PCDHGC5: variants seen among roughly 807,000 people sequenced by gnomAD.
The protein encoded by PCDHGC5 is protocadherin gamma-C5.
In PCDHGC5, 25 loss-of-function variants were observed where a neutral mutation model predicts 59.0. That is an observed-to-expected ratio of 0.42 (90% CI 0.31 to 0.59). The LOEUF (loss-of-function observed/expected upper bound fraction) is 0.59, where lower values mean the gene tolerates loss of function less well. PCDHGC5 is among the 20% of genes least tolerant of loss of function. The probability of loss-of-function intolerance (pLI) is 0.13; values close to 1 mark genes in which losing one functional copy is unlikely to be tolerated. For missense variants in PCDHGC5, 1,067 were observed against 1,206.4 expected (o/e 0.88, Z 1.71); for synonymous variants, 434 against 505.5 (o/e 0.86, Z 1.90).
chr5:141,499,404 T>G (rs1468724077), intron 2 of PCDHGC5, among the ~76,000 whole-genome samples: 3 of 152,178 alleles, frequency 2.0e-5, no homozygotes, highest in African/African-American at 7.2e-5. Context: ...ACATGCTCAT[T>G]ATAGAAACAT....
At chr5:141,506,130 GAGA>G (rs560751517) in intron 3 of PCDHGC5, among the ~76,000 whole-genome samples, 2 of 152,170 alleles carry the variant, frequency 1.3e-5, no homozygotes, top group Admixed American at 1.3e-4. Context: ...CCCAGAGCAG[GAGA>G]AGAAGAATAT....
intron 2 of PCDHGC5, among the ~76,000 whole-genome samples, chr5:141,499,576 G>C (rs2099792836): frequency 1.3e-5 from 2 of 151,790 alleles, no homozygotes; most frequent in Non-Finnish European, 2.9e-5. Context: ...TTCAACTAAT[G>C]CCTTATCTTG....
intron 2 of PCDHGC5, among the ~76,000 whole-genome samples, chr5:141,503,800 C>T (rs756250566): frequency 1.3e-5 from 2 of 151,994 alleles, no homozygotes; most frequent in South Asian, 2.1e-4. Flanking sequence ...TACTTAGGGA[C>T]GGGGAATCCC....
chr5:141,499,466 G>C (rs1337970911), intron 2 of PCDHGC5, among the ~76,000 whole-genome samples: 1 of 152,034 alleles, frequency 6.6e-6, no homozygotes, highest in African/African-American at 2.4e-5. Flanking sequence ...TTACAATCTA[G>C]GGAGAACCAC....
intron 2 of PCDHGC5, among the ~76,000 whole-genome samples, chr5:141,496,352 G>A (rs2099768243): frequency 2.0e-5 from 3 of 152,200 alleles, no homozygotes; most frequent in South Asian, 2.1e-4. Context: ...GAGTCTCAGA[G>A]CCCAGGGAGA....
chr5:141,492,851 C>T (rs1289268967), intron 1 of PCDHGC5, among the ~76,000 whole-genome samples: 2 of 152,204 alleles, frequency 1.3e-5, no homozygotes, highest in Non-Finnish European at 2.9e-5. Flanking sequence ...GTGAAAGCCT[C>T]GAGCGCCCTG....
At chr5:141,494,522 G>C (rs2099754911) in intron 1 of PCDHGC5, among the ~76,000 whole-genome samples, 1 of 152,196 alleles carries the variant, frequency 6.6e-6, no homozygotes, top group Non-Finnish European at 1.5e-5. Flanking sequence ...CAGGAGTTCT[G>C]ACTCTGGGGG....
In PCDHGC5 at chr5:141,489,412, G is replaced by C; in HGVS notation, c.172G>C (p.Asp58His). Residue 58 changes from aspartate to histidine, a missense_variant, in exon 1 of 4, where the codon GAT (aspartate) becomes CAT (histidine). Coordinates refer to ENST00000252087, the MANE Select transcript of PCDHGC5 (RefSeq NM_018929.3). The surrounding 1 kb of genome is among the most constrained non-coding windows in gnomAD (Gnocchi z 4.5). ...VAQDLGLKMT[D>H]LLSRRLQLGS... ...TCAGGATCTGGGCTTAAAGATGACAGATCTGTTGAGCCGGCGGCTGCAATT... is the reference window on the plus strand; with the variant it reads ...TCAGGATCTGGGCTTAAAGATGACACATCTGTTGAGCCGGCGGCTGCAATT... The C allele has an allele frequency of 6.2e-7, 1 of 1,614,172 alleles. No individual in the cohort carries two copies. Among genetic ancestry groups the C allele is most frequent in the Non-Finnish European group, 8.5e-7 (1 of 1,180,040 alleles).
rs758715682 is a variant in PCDHGC5, at chr5:141,490,062, C to T, written c.822C>T (p.Asn274=). The T allele has an allele frequency of 2.6e-5, 42 of 1,614,100 alleles. No individual in the cohort carries two copies. The highest frequency in any genetic ancestry group is 3.3e-5 in the South Asian group (3 of 91,086). Residue 274 remains asparagine (N), a synonymous_variant, in exon 1 of 4, where the codon AAC becomes AAT. Coordinates refer to ENST00000252087, the MANE Select transcript of PCDHGC5 (RefSeq NM_018929.3). The surrounding 1 kb of genome is among the most constrained non-coding windows in gnomAD (Gnocchi z 5.4). ...LNATDPDEGT[N]GQLDYSFGDH... is the part of the protein sequence containing the mutation. The stretch of plus-strand genomic sequence containing the variant: ...CCACTGATCCAGACGAGGGCACCAA[C>T]GGCCAACTAGACTATTCTTTTGGAG...
At chr5:141,497,553 T>C (rs2099777684) in intron 2 of PCDHGC5, among the ~76,000 whole-genome samples, 1 of 151,326 alleles carries the variant, frequency 6.6e-6, no homozygotes, top group South Asian at 2.1e-4. Context: ...TTTTTTTTTT[T>C]TTTTTAGACA....
chr5:141,490,181 G>T lies in PCDHGC5; in HGVS notation c.941G>T (p.Arg314Leu), dbSNP rs755899660. ...VLGPIDFEES[R>L]FYEIHARARD... ...GGTCCCATAGACTTTGAGGAGTCAC[G>T]TTTCTATGAAATTCATGCAAGAGCC... is the stretch of plus-strand genomic sequence containing the variant. Residue 314 changes from arginine to leucine, a missense_variant, in exon 1 of 4, where the codon CGT becomes CTT. Coordinates refer to ENST00000252087, the MANE Select transcript of PCDHGC5 (RefSeq NM_018929.3). The surrounding 1 kb of genome is among the most constrained non-coding windows in gnomAD (Gnocchi z 5.4). The T allele has an allele frequency of 6.2e-7, 1 of 1,614,200 alleles. No individual in the cohort carries two copies. The highest frequency in any genetic ancestry group is 8.5e-7 in the Non-Finnish European group (1 of 1,180,030).
chr5:141,508,535 C>A (rs1294413041), intron 3 of PCDHGC5, among the ~76,000 whole-genome samples: 1 of 152,172 alleles, frequency 6.6e-6, no homozygotes, highest in Non-Finnish European at 1.5e-5. Context: ...GGGCACCCCC[C>A]ACGAGGTGGG....
rs1219684339 is a variant in PCDHGC5, at chr5:141,506,444, CAAAAAAAAAAA to C, written c.2608+974_2608+984del. Among the ~76,000 whole-genome samples, 33 of 95,024 alleles carry C rather than the reference CAAAAAAAAAAA, an allele frequency of 3.5e-4. No individual in the cohort carries two copies. The East Asian group carries it at 0.011, about 31-fold the overall frequency. The allele number at this position is 95,024 out of a possible 152,430, so 62.3% of individuals were successfully genotyped here. On this transcript the variant is annotated intron_variant, in intron 3 of 3. Coordinates refer to ENST00000252087, the MANE Select transcript of PCDHGC5 (RefSeq NM_018929.3). ...CCTGGGCAACAGTCTCGCTCTGTCTCAAAAAAAAAAAAAAAAAAAAAGAGCACAGGCTTTAG... is the reference window on the plus strand; with the variant it reads ...CCTGGGCAACAGTCTCGCTCTGTCTCAAAAAAAAAAGAGCACAGGCTTTAG...
chr5:141,506,380 T>C (rs1209879935), intron 3 of PCDHGC5, among the ~76,000 whole-genome samples: 1 of 141,314 alleles, frequency 7.1e-6, no homozygotes, highest in Non-Finnish European at 1.5e-5. Flanking sequence ...ACCTGGGAGG[T>C]GGCTGTGGTG....
intron 2 of PCDHGC5, among the ~76,000 whole-genome samples, chr5:141,504,259 G>A (rs1325093588): frequency 6.6e-6 from 1 of 152,126 alleles, no homozygotes; most frequent in Non-Finnish European, 1.5e-5. Flanking sequence ...TTATGGTTTA[G>A]TATTTTTTTA....
rs369794418 is a variant in PCDHGC5, at chr5:141,497,143, G to A, written c.2519+2278G>A. Among the ~76,000 whole-genome samples the A allele has an allele frequency of 7.3e-5, 11 of 150,108 alleles. No individual in the cohort carries two copies. In the East Asian group the frequency reaches 1.6e-3, roughly 21 times the overall value. On this transcript the variant is annotated intron_variant, in intron 2 of 3. Coordinates refer to ENST00000252087, the MANE Select transcript of PCDHGC5 (RefSeq NM_018929.3). ...AGAGGTTGCAGTGAGCTGAGATCAC[G>A]AAAAAAAAATAATCTAGCCACAAAT...
At chr5:141,496,509 C>A (rs955577717) in intron 2 of PCDHGC5, among the ~76,000 whole-genome samples, 3 of 152,168 alleles carry the variant, frequency 2.0e-5, no homozygotes, top group Non-Finnish European at 4.4e-5. Context: ...GCCACAAGGA[C>A]CCAGGAGCCC....
Position 141,489,409 on chromosome 5 carries a change from A to T in PCDHGC5, c.169A>T (p.Thr57Ser). Residue 57 changes from threonine (T) to serine (S), a missense_variant, in exon 1 of 4, where the codon ACA becomes TCA. Transcript: ENST00000252087. The surrounding 1 kb of genome is among the most constrained non-coding windows in gnomAD (Gnocchi z 4.5). ...NVAQDLGLKM[T>S]DLLSRRLQLG... ...TGCTCAGGATCTGGGCTTAAAGATG[A>T]CAGATCTGTTGAGCCGGCGGCTGCA... 1.9e-6 allele frequency: 3 copies of T among 1,614,114 alleles called. No homozygotes were observed. The highest frequency in any genetic ancestry group is 2.5e-6 in the Non-Finnish European group (3 of 1,180,004).
chr5:141,493,336 A>G lies in PCDHGC5; in HGVS notation c.2461-1471A>G, dbSNP rs1049621539. Among the ~76,000 whole-genome samples, 4 of 152,202 alleles carry G rather than the reference A, an allele frequency of 2.6e-5. No homozygotes were observed. Among genetic ancestry groups the G allele is most frequent in the African/African-American group, 9.7e-5 (4 of 41,450 alleles). On this transcript the variant is annotated intron_variant, in intron 1 of 3. Transcript: ENST00000252087. The surrounding 1 kb of genome is among the most constrained non-coding windows in gnomAD (Gnocchi z 4.3). ...GAGATTCTAACCCCTGTCTAACTCC[A>G]GAATGTGTGCTTTTAATTTCTTGGC...
Sources: allele counts gnomAD v4.1 joint callset (sites outside exome capture counted in the v4.1 genomes callset), GRCh38; gene constraint gnomAD v4.1.1; non-coding constraint Gnocchi (gnomAD v3.1); transcripts MANE v1.5; gene names NCBI Gene and HGNC (gene_info 2026-07-23, HGNC 2026-07-21).